SEC24A: variants seen among roughly 807,000 people sequenced by gnomAD.
SEC24A encodes the protein protein transport protein Sec24A.
Under a neutral mutation model 129.4 loss-of-function variants are expected in SEC24A, and 93 were observed. That is an observed-to-expected ratio of 0.72 (90% CI 0.61 to 0.85). SEC24A has a LOEUF of 0.85. SEC24A is among the 40% of genes least tolerant of loss of function. The pLI is 0.00. For missense variants in SEC24A, 1,264 were observed against 1,307.4 expected, an observed-to-expected ratio of 0.97 and a Z score of 0.51; for synonymous variants, 460 against 467.3, an observed-to-expected ratio of 0.98 and a Z score of 0.20.
In SEC24A at chr5:134,668,735, A is replaced by AC. The variant is rs202127555; in HGVS notation, c.739+1739_739+1740insC. On this transcript the variant is annotated intron_variant, in intron 3 of 22. Transcript: ENST00000398844. ...GAGCAAAACTCCATCACACACACAC[A>AC]AAAAAAACCAATTAGCCAGGAGTGG... is the stretch of plus-strand genomic sequence containing the variant. 1.4e-3 allele frequency among the ~76,000 whole-genome samples: 214 copies of AC among 151,124 alleles called. 1 individual carries two copies. Among genetic ancestry groups the AC allele is most frequent in the African/African-American group, 4.1e-3 (170 of 41,170 alleles).
rs1752777689 is a variant in SEC24A at position 134,727,297 on chromosome 5, CA to C, written c.*2205del. The C allele has an allele frequency of 6.6e-6, 1 of 152,454 alleles. No homozygotes were observed. The allele number at this position is 152,454 out of a possible 1,614,324, so 9.4% of individuals were successfully genotyped here. A position where few individuals can be genotyped will look rare whatever the true frequency, so the allele number is the denominator to read the frequency against. ...GATCCTTGAATTTTCTACAGATCTA[CA>C]ACTACTAATGTAACAGACAAGGGCA... is the stretch of plus-strand genomic sequence containing the variant. On this transcript the variant is annotated 3_prime_UTR_variant, in exon 23 of 23. Coordinates refer to ENST00000398844, the MANE Select transcript of SEC24A (RefSeq NM_021982.3).
intron 4 of SEC24A, among the ~76,000 whole-genome samples, chr5:134,672,685 T>A (rs1403959533): frequency 6.6e-6 from 1 of 152,180 alleles, no homozygotes; most frequent in Non-Finnish European, 1.5e-5. Flanking sequence ...GTTTTTCTTC[T>A]GTCAGAATTG....
chr5:134,726,940 G>A lies in SEC24A; in HGVS notation c.*1846G>A, dbSNP rs1752768980. 1 of 152,088 alleles carries A rather than the reference G, an allele frequency of 6.6e-6. No individual in the cohort carries two copies. The highest frequency in any genetic ancestry group is 1.5e-5 in the Non-Finnish European group (1 of 67,936). 9.4% of individuals were successfully genotyped at this position (152,088 alleles called of 1,614,324 possible). On this transcript the variant is annotated 3_prime_UTR_variant, in exon 23 of 23. Coordinates refer to ENST00000398844, the MANE Select transcript of SEC24A (RefSeq NM_021982.3). ...CTTGTTATTACCACATGCTTTTTTA[G>A]TATATTTCACAAATTTACTTTTAAA...
chr5:134,695,305 G>A (rs1045860335), intron 13 of SEC24A, among the ~76,000 whole-genome samples: 26 of 152,040 alleles, frequency 1.7e-4, no homozygotes, highest in African/African-American at 5.8e-4. Context: ...CCAGGAGGCT[G>A]CAGTGAGATC....
Position 134,676,014 on chromosome 5 carries a change from T to C in SEC24A, c.1152-9T>C. ...CAGCAACTGATACATACTTTTTACT[T>C]TGATATAGGTTATTTCGATGCACGC... On this transcript the variant is annotated splice_polypyrimidine_tract_variant and intron_variant, in intron 6 of 22. Coordinates refer to ENST00000398844, the MANE Select transcript of SEC24A (RefSeq NM_021982.3). The C allele has an allele frequency of 6.3e-7, 1 of 1,575,600 alleles. No individual in the cohort carries two copies. The highest frequency in any genetic ancestry group is 8.6e-7 in the Non-Finnish European group (1 of 1,164,338).
At chr5:134,690,300 G>T (rs930613943) in intron 11 of SEC24A, among the ~76,000 whole-genome samples, 1 of 152,150 alleles carries the variant, frequency 6.6e-6, no homozygotes. Flanking sequence ...GATTACAGGT[G>T]TGAGTCACTG....
intron 15 of SEC24A, among the ~76,000 whole-genome samples, chr5:134,699,486 A>G (rs1240040732): frequency 6.6e-6 from 1 of 151,484 alleles, no homozygotes; most frequent in Non-Finnish European, 1.5e-5. Context: ...TTTTTAGTAG[A>G]GACGGGGTTT....
intron 2 of SEC24A, 100 bp from the exon 3 acceptor site, chr5:134,666,723 T>A (rs1580689456): frequency 1.1e-6 from 1 of 903,720 alleles, no homozygotes; most frequent in African/African-American, 1.7e-5. Context: ...TTATTATAAT[T>A]TAAATGTAAG....
At chr5:134,670,318 G>A (rs1167501268) in intron 3 of SEC24A, among the ~76,000 whole-genome samples, 1 of 152,122 alleles carries the variant, frequency 6.6e-6, no homozygotes, top group African/African-American at 2.4e-5. Context: ...ACAAATTCAT[G>A]GCTAAAATCA....
intron 1 of SEC24A, among the ~76,000 whole-genome samples, chr5:134,652,722 G>A (rs993867632): frequency 6.6e-6 from 1 of 152,196 alleles, no homozygotes; most frequent in African/African-American, 2.4e-5. Flanking sequence ...CGAGTAGCTG[G>A]GGTTACAGGC....
At chr5:134,705,090 A>ATATATATATATATATTTT (rs1180461537) in intron 16 of SEC24A, among the ~76,000 whole-genome samples, 1 of 123,300 alleles carries the variant, frequency 8.1e-6, no homozygotes, top group East Asian at 2.3e-4. Context: ...ATATATATAT[A>ATATATATATATATATTTT]TTTTTTTTTT....
intron 3 of SEC24A, among the ~76,000 whole-genome samples, chr5:134,669,085 T>C (rs1750765526): frequency 6.6e-6 from 1 of 151,352 alleles, no homozygotes; most frequent in South Asian, 2.1e-4. Context: ...AAAAAGAGTA[T>C]CAAAATGATG....
At chr5:134,655,781 G>C (rs868200058) in intron 1 of SEC24A, among the ~76,000 whole-genome samples, 1 of 151,992 alleles carries the variant, frequency 6.6e-6, no homozygotes, top group Non-Finnish European at 1.5e-5. Flanking sequence ...CTGTTATTTT[G>C]TTTTTACAAC....
chr5:134,680,577 C>T (rs1751231277), intron 8 of SEC24A, among the ~76,000 whole-genome samples: 1 of 152,170 alleles, frequency 6.6e-6, no homozygotes, highest in Admixed American at 6.5e-5. Flanking sequence ...AAGTGATCTG[C>T]CCACCTCAGG....
intron 15 of SEC24A, among the ~76,000 whole-genome samples, chr5:134,700,733 T>C (rs1280383382): frequency 1.3e-5 from 2 of 151,870 alleles, no homozygotes; most frequent in East Asian, 3.9e-4. Context: ...ATTTTTTTTT[T>C]TCTGAGACCA....
In SEC24A at chr5:134,661,515, C is replaced by G. The variant is rs534951105; in HGVS notation, c.494C>G (p.Thr165Arg). ...ASSQPTVSGN[T>R]SLTTNHQYVS... ...TCCCAACCAACTGTATCTGGAAATA[C>G]AAGTTTAACCACAAATCATCAATAT... Residue 165 changes from threonine (T) to arginine (R), a missense_variant, in exon 2 of 23, where the codon ACA becomes AGA. Physicochemically the swap from Thr to Arg is moderately conservative, Grantham distance 71. Coordinates refer to ENST00000398844, the MANE Select transcript of SEC24A (RefSeq NM_021982.3). 6.2e-7 allele frequency: 1 copy of G among 1,614,140 alleles called. No individual in the cohort carries two copies. The highest frequency in any genetic ancestry group is 2.2e-5 in the East Asian group (1 of 44,894).
chr5:134,710,837 AT>A (rs1752306805), intron 18 of SEC24A, among the ~76,000 whole-genome samples: 1 of 152,314 alleles, frequency 6.6e-6, no homozygotes, highest in Admixed American at 6.5e-5. Flanking sequence ...ATAAAATTTT[AT>A]TTAAAAGCTC....
At position 134,698,029 on chromosome 5, in the gene SEC24A, G is replaced by A. The variant is rs200437478; in HGVS notation, c.2238G>A (p.Glu746=). ...ACCTTACTCGGAAGATTGGCTTTGA[G>A]GCAGTCATGAGGATTCGGTGCACCA... The part of the protein sequence containing the change: ...QRYLTRKIGF[E]AVMRIRCTKG... The change falls in exon 15 of 23, where the codon GAG becomes GAA. Residue 746 remains glutamate, a synonymous_variant. Transcript: ENST00000398844. 1,011 of 1,613,264 alleles carry A rather than the reference G, an allele frequency of 6.3e-4. 4 individuals carry two copies. Among genetic ancestry groups the A allele is most frequent in the Middle Eastern group, 6.1e-3 (37 of 6,056 alleles).
At chr5:134,687,805 T>C (rs866226808) in intron 10 of SEC24A, among the ~76,000 whole-genome samples, 2 of 152,240 alleles carry the variant, frequency 1.3e-5, no homozygotes, top group Non-Finnish European at 2.9e-5. Context: ...TGTTCTTAAA[T>C]ATTAGAGTTT....
Sources: allele counts gnomAD v4.1 joint callset (sites outside exome capture counted in the v4.1 genomes callset), GRCh38; gene constraint gnomAD v4.1.1; transcripts MANE v1.5; gene names NCBI Gene and HGNC (gene_info 2026-07-23, HGNC 2026-07-21).